Variants in ADAM28 observed in about 807,000 individuals in gnomAD.
ADAM28 encodes disintegrin and metalloproteinase domain-containing protein 28.
A neutral mutation model predicts 101.2 loss-of-function variants in ADAM28; 105 were observed. The ratio of observed to expected loss-of-function variants is 1.04; its 90% CI spans 0.89 to 1.22. The LOEUF is 1.22. Ranked by LOEUF, ADAM28 falls within the 50% of genes most tolerant of loss-of-function variation. The pLI is 0.00. For synonymous variants in ADAM28, 322 were observed against 310.6 expected, an observed-to-expected ratio of 1.04 and a Z score of -0.39; for missense variants, 1,028 against 945.4, an observed-to-expected ratio of 1.09 and a Z score of -1.15.
At chr8:24,340,097 G>C (rs1814583021) in intron 15 of ADAM28, among the ~76,000 whole-genome samples, 1 of 152,048 alleles carries the variant, frequency 6.6e-6, no homozygotes, top group Non-Finnish European at 1.5e-5. Flanking sequence ...CTGATATCCG[G>C]GAAAACACTA....
chr8:24,335,396 G>T (rs1360481015), intron 13 of ADAM28, 50 bp from the exon 14 acceptor site: 7 of 1,523,864 alleles, frequency 4.6e-6, no homozygotes, highest in Non-Finnish European at 5.3e-6. Context: ...AGGTATTAGG[G>T]TAAAGCAGGT....
chr8:24,298,433 T>C (rs1458245054), intron 1 of ADAM28, among the ~76,000 whole-genome samples: 4 of 152,192 alleles, frequency 2.6e-5, no homozygotes, highest in Non-Finnish European at 5.9e-5. Flanking sequence ...AAACGCTGTT[T>C]TTTGAAAGTT....
At chr8:24,318,010 T>C (rs62502726) in intron 6 of ADAM28, among the ~76,000 whole-genome samples, 25,087 of 151,958 alleles carry the variant, frequency 0.17, 2,166 homozygotes, top group East Asian at 0.34. Flanking sequence ...TTGAGAGCAA[T>C]TCCATGCTGG....
chr8:24,351,141 G>A (rs1816069091), intron 19 of ADAM28, 91 bp from the exon 20 acceptor site: 2 of 1,113,910 alleles, frequency 1.8e-6, no homozygotes, highest in African/African-American at 1.6e-5. Flanking sequence ...AGACACAATG[G>A]GAAAAAGAAG....
At chr8:24,354,307 T>TCATAGTTCAGCTTCATAATAGTAA (rs1318739651) in intron 22 of ADAM28, 77 bp from the exon 23 acceptor site, 1 of 1,259,436 alleles carries the variant, frequency 7.9e-7, no homozygotes, top group East Asian at 2.6e-5. Context: ...TTTAATTTCT[T>TCATAGTTCAGCTTCATAATAGTAA]CATAGTTCAG....
At position 24,335,645 on chromosome 8, in the gene ADAM28, G is replaced by C; in HGVS notation, c.1567+4G>C. 6.3e-7 allele frequency: 1 copy of C among 1,594,326 alleles called. No homozygotes were observed. The highest frequency in any genetic ancestry group is 8.5e-7 in the Non-Finnish European group (1 of 1,170,962). ...TGCACAGAGCTGTGGGGACCAGGTA[G>C]GAGGACAAATCCTTTCCCCTGTGCA... On this transcript the variant is annotated splice_donor_region_variant and intron_variant, in intron 14 of 22. Transcript: ENST00000265769.
intron 11 of ADAM28, 96 bp downstream of exon 11, chr8:24,330,211 A>C: frequency 1.4e-6 from 2 of 1,429,558 alleles, no homozygotes; most frequent in Non-Finnish European, 1.9e-6. Flanking sequence ...AACGTGTTCG[A>C]GTTTTTGAGT....
At chr8:24,342,116 T>A (rs1013034432) in intron 16 of ADAM28, among the ~76,000 whole-genome samples, 1 of 152,206 alleles carries the variant, frequency 6.6e-6, no homozygotes, top group Admixed American at 6.5e-5. Context: ...AGTGCCAGTG[T>A]ATGTGATACT....
In ADAM28 at chr8:24,300,002, G is replaced by T. The variant is rs1230956156; in HGVS notation, c.75G>T (p.Val25=). ...AVSAIKELPG[V]KKYEVVYPIR... ...GTGCTATAAAAGAACTCCCTGGGGT[G>T]AAGAAGTATGAAGTGGTTTATCCTA... is the stretch of plus-strand genomic sequence containing the variant. Residue 25 remains valine (V), a synonymous_variant, in exon 2 of 23, where the codon GTG becomes GTT. Coordinates refer to ENST00000265769, the MANE Select transcript of ADAM28 (RefSeq NM_014265.6). 1 of 1,613,226 alleles carries T rather than the reference G, an allele frequency of 6.2e-7. No individual in the cohort carries two copies. The highest frequency in any genetic ancestry group is 1.1e-5 in the South Asian group (1 of 91,054).
intron 13 of ADAM28, among the ~76,000 whole-genome samples, 194 bp downstream of exon 13, chr8:24,332,943 ATAT>A (rs1202391328): frequency 6.6e-6 from 1 of 152,198 alleles, no homozygotes; most frequent in Non-Finnish European, 1.5e-5. Flanking sequence ...TTCACAGTAG[ATAT>A]TATTTCATTT....
intron 9 of ADAM28, among the ~76,000 whole-genome samples, chr8:24,325,474 C>G (rs1462176841): frequency 6.6e-6 from 1 of 151,810 alleles, no homozygotes; most frequent in Non-Finnish European, 1.5e-5. Context: ...AAATATATAA[C>G]TCCAAAATGA....
rs575134811 is a variant in ADAM28 at position 24,351,166 on chromosome 8, C to G, written c.2100-66C>G. ...GGAAAAAGAAGTTGGGAATCTTCTA[C>G]GGAGTTTCCCTGTCATGCTGAAGGA... is the stretch of plus-strand genomic sequence containing the variant. On this transcript the variant is annotated intron_variant, in intron 19 of 22. Transcript: ENST00000265769. The G allele has an allele frequency of 3.9e-6, 5 of 1,289,442 alleles. No homozygotes were observed. In the African/African-American group the frequency reaches 6.1e-5, roughly 16 times the overall value. 79.9% of individuals were successfully genotyped at this position (1,289,442 alleles called of 1,614,324 possible).
At chr8:24,310,527 C>T (rs1204094331) in intron 4 of ADAM28, among the ~76,000 whole-genome samples, 1 of 150,446 alleles carries the variant, frequency 6.6e-6, no homozygotes, top group Non-Finnish European at 1.5e-5. Context: ...AGTTACATAC[C>T]TCTGGTGTTC....
chr8:24,325,144 AG>A (rs1272346462), intron 9 of ADAM28: 1 of 151,976 alleles, frequency 6.6e-6, no homozygotes, highest in Non-Finnish European at 1.5e-5. Context: ...TGGTTTTCTA[AG>A]GTCTCATAGC....
Position 24,309,989 on chromosome 8 carries a change from G to T in ADAM28, c.227+19G>T. ...AAAACAAGTAAGTATCTTTACCTGT[G>T]ATATTATCCTCAGCAAGAGCAAGGC... On this transcript the variant is annotated intron_variant, in intron 3 of 22. Transcript: ENST00000265769. 1 of 1,539,200 alleles carries T rather than the reference G, an allele frequency of 6.5e-7. No homozygotes were observed. The highest frequency in any genetic ancestry group is 9.0e-7 in the Non-Finnish European group (1 of 1,115,210).
chr8:24,322,419 C>T (rs528430986), intron 8 of ADAM28, among the ~76,000 whole-genome samples: 17 of 151,944 alleles, frequency 1.1e-4, no homozygotes, highest in African/African-American at 3.9e-4. Flanking sequence ...TTGTGAAAGT[C>T]GGATTCAAAG....
At chr8:24,327,231 G>A (rs1812742649) in intron 10 of ADAM28, among the ~76,000 whole-genome samples, 1 of 152,074 alleles carries the variant, frequency 6.6e-6, no homozygotes, top group South Asian at 2.1e-4. Flanking sequence ...AAAATCACAA[G>A]CATTCGTATA....
chr8:24,299,491 G>A (rs1488954975), intron 1 of ADAM28, among the ~76,000 whole-genome samples: 1 of 151,980 alleles, frequency 6.6e-6, no homozygotes, highest in African/African-American at 2.4e-5. Context: ...GAATATTGCT[G>A]TTTTCAAATC....
rs1375688437 is a variant in ADAM28, at chr8:24,358,624, G to T, written c.*4220G>T. On this transcript the variant is annotated 3_prime_UTR_variant, in exon 23 of 23. Coordinates refer to ENST00000265769, the MANE Select transcript of ADAM28 (RefSeq NM_014265.6). The stretch of plus-strand genomic sequence containing the variant: ...TCTCTTTTGCTGCTTCCATAAAAAG[G>T]CTTTCCCTTGACAATGTTAGGCACT... 6.6e-6 allele frequency: 1 copy of T among 151,828 alleles called. No individual in the cohort carries two copies. Among genetic ancestry groups the T allele is most frequent in the Non-Finnish European group, 1.5e-5 (1 of 68,010 alleles). 9.4% of individuals were successfully genotyped at this position (151,828 alleles called of 1,614,324 possible).
Sources: gnomAD v4.1 joint callset for allele counts (sites outside exome capture counted in the v4.1 genomes callset) on GRCh38, gnomAD v4.1.1 for gene constraint, MANE v1.5 for transcripts, NCBI Gene and HGNC (gene_info 2026-07-23, HGNC 2026-07-21) for gene names.